The following PTPRM variants were observed in gnomAD, a reference collection of about 807,000 sequenced individuals.
PTPRM encodes the protein protein tyrosine phosphatase receptor type M, also known as receptor-type tyrosine-protein phosphatase mu.
A neutral mutation model predicts 186.7 loss-of-function variants in PTPRM; 47 were observed. The ratio of observed to expected loss-of-function variants is 0.25; its 90% confidence interval spans 0.20 to 0.32. PTPRM has a LOEUF of 0.32. Among genes scored for constraint, PTPRM ranks in the 10% least tolerant of loss-of-function variants. The pLI, the probability that PTPRM is intolerant of heterozygous loss-of-function variation, is 1.00. For synonymous variants in PTPRM, 668 were observed against 674.9 expected (o/e 0.99, Z 0.16); for missense variants, 1,494 against 1,865.0 (o/e 0.80, Z 3.66).
intron 1 of PTPRM, among the ~76,000 whole-genome samples, chr18:7,638,699 GGTTA>G (rs1291271788): frequency 1.3e-5 from 2 of 152,142 alleles, no homozygotes; most frequent in Non-Finnish European, 2.9e-5. Flanking sequence ...AGTATTATTA[GGTTA>G]GTTCTTATGC....
intron 1 of PTPRM, among the ~76,000 whole-genome samples, chr18:7,612,484 T>C (rs2143866313): frequency 6.6e-6 from 1 of 152,320 alleles, no homozygotes. Flanking sequence ...ACCAGGCTGG[T>C]CAGACCTGTC....
At chr18:8,202,891 C>T (rs903631282) in intron 14 of PTPRM, among the ~76,000 whole-genome samples, 4 of 152,172 alleles carry the variant, frequency 2.6e-5, no homozygotes, top group African/African-American at 9.7e-5. Flanking sequence ...ACTGATCTCC[C>T]TGCCAGCCAG....
At chr18:7,611,858 A>G (rs957294627) in intron 1 of PTPRM, among the ~76,000 whole-genome samples, 4 of 152,154 alleles carry the variant, frequency 2.6e-5, no homozygotes, top group Admixed American at 1.3e-4. Context: ...GTGTGGAACT[A>G]TAAGTCCATT....
rs1555616950 is a variant in PTPRM at position 7,842,947 on chromosome 18, T to TAG, written c.197-45127_197-45126dup. Reference sequence around the variant, plus strand: ...GTGTGTGTGTATATATATATATATATAGAGAGAGAGAGAGAGAGAGAGAGA... The same window carrying TAG: ...GTGTGTGTGTATATATATATATATATAGAGAGAGAGAGAGAGAGAGAGAGAGA... On this transcript the variant is annotated intron_variant, in intron 2 of 32. Transcript: ENST00000580170. Among the ~76,000 whole-genome samples the TAG allele has an allele frequency of 4.9e-3, 550 of 112,094 alleles. 10 individuals are homozygous for TAG. The highest frequency in any genetic ancestry group is 0.012 in the African/African-American group (289 of 23,786). The allele number at this position is 112,094 out of a possible 152,430, so 73.5% of individuals were successfully genotyped here.
intron 14 of PTPRM, among the ~76,000 whole-genome samples, chr18:8,225,392 T>TCG (rs2094201630): frequency 6.7e-6 from 1 of 149,584 alleles, no homozygotes; most frequent in Non-Finnish European, 1.5e-5. Flanking sequence ...GTCTCTTGTA[T>TCG]TTTTTTTTTT....
chr18:8,198,199 T>C (rs970199135), intron 14 of PTPRM, among the ~76,000 whole-genome samples: 15 of 152,132 alleles, frequency 9.9e-5, no homozygotes, highest in African/African-American at 2.4e-4. Flanking sequence ...CTGGCTGGAG[T>C]GTTGTGGCAC....
chr18:8,082,540 C>G (rs920149008), intron 9 of PTPRM, among the ~76,000 whole-genome samples: 2 of 149,270 alleles, frequency 1.3e-5, no homozygotes, highest in Non-Finnish European at 3.0e-5. Context: ...CCTCTCTCCC[C>G]TTCTCTCTCT....
chr18:7,656,104 G>A (rs569818698), intron 1 of PTPRM, among the ~76,000 whole-genome samples: 40 of 152,184 alleles, frequency 2.6e-4, no homozygotes, highest in African/African-American at 9.2e-4. Context: ...TAAAATCAAA[G>A]TCTCTAAAAG....
At chr18:7,837,733 G>A (rs1056292853) in intron 2 of PTPRM, among the ~76,000 whole-genome samples, 1 of 152,150 alleles carries the variant, frequency 6.6e-6, no homozygotes, top group African/African-American at 2.4e-5. Context: ...ATGAGCCACT[G>A]CACCTGGCCA....
chr18:7,691,558 A>G (rs1254373255), intron 1 of PTPRM, among the ~76,000 whole-genome samples: 1 of 152,120 alleles, frequency 6.6e-6, no homozygotes, highest in Non-Finnish European at 1.5e-5. Context: ...ACTGCATATT[A>G]AAATCAGTGA....
chr18:8,024,681 C>CTTT lies in PTPRM; in HGVS notation c.1133-44990_1133-44988dup, dbSNP rs397724573. Among the ~76,000 whole-genome samples, 25 of 124,830 alleles carry CTTT rather than the reference C, an allele frequency of 2.0e-4. 3 individuals are homozygous for CTTT. The highest frequency in any genetic ancestry group is 2.6e-4 in the Admixed American group (3 of 11,584). The allele number at this position is 124,830 out of a possible 152,430, so 81.9% of individuals were successfully genotyped here. A position where few individuals can be genotyped will look rare whatever the true frequency, so the allele number is the denominator to read the frequency against. On this transcript the variant is annotated intron_variant, in intron 7 of 32. Transcript: ENST00000580170. The stretch of plus-strand genomic sequence containing the variant: ...ATTCCAAAGATTTGGAAACCCAAAT[C>CTTT]TTTTTTTTTTTTTTTTTACTGAGTC...
At chr18:7,768,664 G>C (rs1484306732) in intron 1 of PTPRM, among the ~76,000 whole-genome samples, 1 of 115,514 alleles carries the variant, frequency 8.7e-6, no homozygotes, top group East Asian at 2.6e-4. Context: ...TTTTTTTTTT[G>C]AGTTGGAGTT....
rs1345784495 is a variant in PTPRM, at chr18:7,811,204, C to T, written c.196+36933C>T. The stretch of plus-strand genomic sequence containing the variant: ...AGTGGCAACAGCCTGTGACAACAAG[C>T]CTGGAACTGGTTTCCATCAGAGACA... On this transcript the variant is annotated intron_variant, in intron 2 of 32. Coordinates refer to ENST00000580170, the MANE Select transcript of PTPRM (RefSeq NM_001105244.2). Among the ~76,000 whole-genome samples the T allele has an allele frequency of 2.0e-5, 3 of 152,172 alleles. No individual in the cohort carries two copies. The East Asian group carries it at 5.8e-4, about 29-fold the overall frequency.
At chr18:8,151,956 C>G (rs1007561122) in intron 14 of PTPRM, among the ~76,000 whole-genome samples, 1 of 152,118 alleles carries the variant, frequency 6.6e-6, no homozygotes, top group Non-Finnish European at 1.5e-5. Context: ...ACACCCCACC[C>G]TGCTTCGGCT....
chr18:8,306,872 T>C (rs2095227549), intron 20 of PTPRM, among the ~76,000 whole-genome samples: 1 of 152,232 alleles, frequency 6.6e-6, no homozygotes, highest in African/African-American at 2.4e-5. Flanking sequence ...AAAAATTTGA[T>C]ATGATTTAGC....
intron 19 of PTPRM, among the ~76,000 whole-genome samples, chr18:8,279,735 T>C (rs2094879985): frequency 6.6e-6 from 1 of 152,120 alleles, no homozygotes; most frequent in Admixed American, 6.5e-5. Context: ...GAAGCAGAGA[T>C]TGTCTGTGTG....
intron 2 of PTPRM, among the ~76,000 whole-genome samples, chr18:7,800,898 CAT>C (rs1568149095): frequency 6.6e-6 from 1 of 152,024 alleles, no homozygotes; most frequent in East Asian, 1.9e-4. Flanking sequence ...CGTATCTAAA[CAT>C]ATGATGGCAT....
At position 8,069,906 on chromosome 18, in the gene PTPRM, A is replaced by G. The variant is rs762804618; in HGVS notation, c.1353A>G (p.Pro451=). 1 of 1,614,034 alleles carries G rather than the reference A, an allele frequency of 6.2e-7. No homozygotes were observed. Residue 451 remains proline (P), a synonymous_variant, in exon 8 of 33, where the codon CCA becomes CCG. Transcript: ENST00000580170. ...AACACACGATCACTAACCTGTCACC[A>G]TACACCAATGTCAGTGTGAAACTGA... The part of the protein sequence containing the change: ...HPQHTITNLS[P]YTNVSVKLIL...
chr18:7,818,738 T>A (rs949386795), intron 2 of PTPRM, among the ~76,000 whole-genome samples: 1 of 152,220 alleles, frequency 6.6e-6, no homozygotes, highest in Non-Finnish European at 1.5e-5. Context: ...TGTGAAATGC[T>A]TAATTCATAT....
Sources: gnomAD v4.1 joint callset for allele counts (sites outside exome capture counted in the v4.1 genomes callset) on GRCh38, gnomAD v4.1.1 for gene constraint, MANE v1.5 for transcripts, NCBI Gene and HGNC (gene_info 2026-07-23, HGNC 2026-07-21) for gene names.